COL17A1: variants seen among roughly 807,000 people sequenced by gnomAD.
COL17A1 encodes the protein collagen alpha-1(XVII) chain.
In COL17A1, 181 loss-of-function variants were observed where a neutral mutation model predicts 218.4. That is an observed-to-expected ratio of 0.83 (90% CI 0.73 to 0.94). COL17A1 has a LOEUF of 0.94. COL17A1 is among the 40% of genes least tolerant of loss of function. COL17A1 has a pLI of 0.00. For synonymous variants in COL17A1, 721 were observed against 731.0 expected (o/e 0.99, Z 0.22); for missense variants, 1,924 against 1,945.9 (o/e 0.99, Z 0.21).
At chr10:104,057,998 C>T (rs2086547348) in intron 16 of COL17A1, 148 bp downstream of exon 16, 3 of 1,226,880 alleles carry the variant, frequency 2.4e-6, no homozygotes, top group Non-Finnish European at 3.5e-6. Flanking sequence ...CCCCACCCTG[C>T]TCCCTTCTGA....
chr10:104,042,914 G>A (rs1322348833), intron 35 of COL17A1, among the ~76,000 whole-genome samples: 2 of 152,208 alleles, frequency 1.3e-5, no homozygotes, highest in African/African-American at 2.4e-5. Context: ...TTTTCTTCCA[G>A]CATTTTTTCT....
chr10:104,032,043 T>C lies in COL17A1; in HGVS notation c.*192A>G. 1.6e-6 allele frequency: 1 copy of C among 625,876 alleles called. No individual in the cohort carries two copies. The highest frequency in any genetic ancestry group is 2.9e-6 in the Non-Finnish European group (1 of 348,556). The allele number at this position is 625,876 out of a possible 1,614,324, so 38.8% of individuals were successfully genotyped here. A position where few individuals can be genotyped will look rare whatever the true frequency, so the allele number is the denominator to read the frequency against. Reference sequence around the variant, plus strand: ...TTAGAGTCCACCCCATGAAGCTGTTTCAGATTGTGTATCTTTGACTGAATT... The same window carrying C: ...TTAGAGTCCACCCCATGAAGCTGTTCCAGATTGTGTATCTTTGACTGAATT... On this transcript the variant is annotated 3_prime_UTR_variant, in exon 56 of 56. Coordinates refer to ENST00000648076, the MANE Select transcript of COL17A1 (RefSeq NM_000494.4).
intron 48 of COL17A1, among the ~76,000 whole-genome samples, chr10:104,035,815 T>TGTATCG (rs1564670874): frequency 2.0e-5 from 3 of 151,556 alleles, no homozygotes; most frequent in East Asian, 1.9e-4. Context: ...TGTATGGGAG[T>TGTATCG]GAGTGTGTGT....
At chr10:104,040,277 A>G in intron 40 of COL17A1, 74 bp downstream of exon 40, 1 of 1,168,482 alleles carries the variant, frequency 8.6e-7, no homozygotes, top group Non-Finnish European at 1.3e-6. Flanking sequence ...AGCTTCATCC[A>G]AACCCTCCTG....
At chr10:104,033,092 A>G in intron 53 of COL17A1, 124 bp from the exon 54 acceptor site, 1 of 1,518,476 alleles carries the variant, frequency 6.6e-7, no homozygotes. Flanking sequence ...GAGGAAACAA[A>G]GTTCAGAATT....
At chr10:104,045,708 A>G (rs779096027) in intron 33 of COL17A1, 50 bp downstream of exon 33, 4 of 1,505,186 alleles carry the variant, frequency 2.7e-6, no homozygotes, top group Non-Finnish European at 3.7e-6. Flanking sequence ...CCTTCCTTCC[A>G]CAAAAATGGC....
intron 50 of COL17A1, 36 bp from the exon 51 acceptor site, chr10:104,034,803 T>C: frequency 1.3e-5 from 21 of 1,604,828 alleles, no homozygotes; most frequent in Non-Finnish European, 1.8e-5. Flanking sequence ...GTCGGGGTAG[T>C]GCTGCGGAGG....
At position 104,054,058 on chromosome 10, in the gene COL17A1, C is replaced by T. The variant is rs773686254; in HGVS notation, c.1771+34G>A. 6 of 1,613,742 alleles carry T rather than the reference C, an allele frequency of 3.7e-6. No homozygotes were observed. The Admixed American group carries it at 1.0e-4, about 27-fold the overall frequency. On this transcript the variant is annotated intron_variant, in intron 21 of 55. Coordinates refer to ENST00000648076, the MANE Select transcript of COL17A1 (RefSeq NM_000494.4). ...CAGCTAGGATTGAGCAGCTGCAACA[C>T]TGGCAGGCCTGGAGGTCATCAGAGA...
At chr10:104,045,695 A>C in intron 33 of COL17A1, 63 bp downstream of exon 33, 1 of 1,368,146 alleles carries the variant, frequency 7.3e-7, no homozygotes, top group Non-Finnish European at 1.0e-6. Context: ...CCTCCTGTCC[A>C]TCCCTTCCTT....
chr10:104,040,578 A>ATGGATGGATGGATGGATGGATAGG lies in COL17A1; in HGVS notation c.2702-192_2702-169dup, dbSNP rs1314610180. On this transcript the variant is annotated intron_variant, in intron 39 of 55. Transcript: ENST00000648076. Reference sequence around the variant, plus strand: ...GATGAATGGGCGGGTGGGTGGATGGATGGATGGATGGATGGATGGATAGGT... The same window carrying ATGGATGGATGGATGGATGGATAGG: ...GATGAATGGGCGGGTGGGTGGATGGATGGATGGATGGATGGATGGATAGGTGGATGGATGGATGGATGGATAGGT... Among the ~76,000 whole-genome samples the ATGGATGGATGGATGGATGGATAGG allele has an allele frequency of 2.0e-5, 3 of 151,252 alleles. No homozygotes were observed. The South Asian group carries it at 6.3e-4, about 32-fold the overall frequency.
chr10:104,039,906 T>C, intron 41 of COL17A1, 67 bp downstream of exon 41: 3 of 1,596,298 alleles, frequency 1.9e-6, no homozygotes, highest in Non-Finnish European at 2.6e-6. Context: ...CTCAAAGCTC[T>C]TGGGAGGTGA....
At chr10:104,050,512 A>C in intron 27 of COL17A1, 109 bp downstream of exon 27, 1 of 1,577,294 alleles carries the variant, frequency 6.3e-7, no homozygotes, top group Non-Finnish European at 8.7e-7. Flanking sequence ...TTAGAATGAG[A>C]TCTTGGTCCA....
chr10:104,037,007 A>G, intron 47 of COL17A1, 38 bp downstream of exon 47: 1 of 1,563,788 alleles, frequency 6.4e-7, no homozygotes, highest in Non-Finnish European at 8.7e-7. Flanking sequence ...GAGAAAGCAA[A>G]GATAGTCCCA....
chr10:104,052,892 A>C (rs2086483899), intron 23 of COL17A1, 139 bp downstream of exon 23: 1 of 1,071,932 alleles, frequency 9.3e-7, no homozygotes, highest in East Asian at 2.4e-5. Context: ...GGCCTAGCAC[A>C]GACCCTGACT....
chr10:104,074,268 CTT>C (rs1362254061), intron 5 of COL17A1, 37 bp from the exon 6 acceptor site: 6 of 1,613,924 alleles, frequency 3.7e-6, no homozygotes, highest in Non-Finnish European at 5.1e-6. Flanking sequence ...CAAATGGCCT[CTT>C]AGGCCCATAA....
intron 8 of COL17A1, among the ~76,000 whole-genome samples, chr10:104,071,251 A>G (rs2086667058): frequency 1.3e-5 from 2 of 152,064 alleles, no homozygotes; most frequent in South Asian, 2.1e-4. Context: ...AGGAACTCTC[A>G]ACCCCAACTC....
intron 47 of COL17A1, among the ~76,000 whole-genome samples, 181 bp from the exon 48 acceptor site, chr10:104,036,813 C>T (rs902814102): frequency 2.0e-5 from 3 of 152,192 alleles, no homozygotes; most frequent in Non-Finnish European, 2.9e-5. Flanking sequence ...CCCAAAGGGA[C>T]ACCTGCCAGC....
Position 104,060,277 on chromosome 10 carries a change from C to A in COL17A1, c.983G>T (p.Cys328Phe), listed in dbSNP as rs1564681134. ...GTCATCGCTCTGCACACTTGTGGTG[C>A]AGGCTGGGGAGAAAGAAAATGGGTA... ...VNTGVSTSAA[C>F]TTSVQSDDLL... Residue 328 changes from cysteine to phenylalanine, a missense_variant, in exon 14 of 56, where the codon TGC becomes TTC. Cys to Phe is a radical substitution (Grantham distance 205). Transcript: ENST00000648076. 3 of 1,613,936 alleles carry A rather than the reference C, an allele frequency of 1.9e-6. No individual in the cohort carries two copies. Among genetic ancestry groups the A allele is most frequent in the Non-Finnish European group, 2.5e-6 (3 of 1,179,998 alleles).
At chr10:104,059,795 T>G in intron 14 of COL17A1, 77 bp from the exon 15 acceptor site, 1 of 1,449,118 alleles carries the variant, frequency 6.9e-7, no homozygotes, top group South Asian at 1.1e-5. Context: ...CCCCCGCCCT[T>G]GCCCACTACC....
Sources: allele counts gnomAD v4.1 joint callset (sites outside exome capture counted in the v4.1 genomes callset), GRCh38; gene constraint gnomAD v4.1.1; transcripts MANE v1.5; gene names NCBI Gene and HGNC (gene_info 2026-07-23, HGNC 2026-07-21).